SLC35F3: variants seen among roughly 807,000 people sequenced by gnomAD.
The protein encoded by SLC35F3 is solute carrier family 35 member F3.
SLC35F3 carries 25 observed loss-of-function variants against 49.9 expected under a neutral mutation model. The ratio of observed to expected loss-of-function variants is 0.50; its 90% CI spans 0.37 to 0.70. The LOEUF (loss-of-function observed/expected upper bound fraction) is 0.70, where lower values mean the gene tolerates loss of function less well. SLC35F3 is among the 30% of genes least tolerant of loss of function. SLC35F3 has a pLI of 0.00. For synonymous variants in SLC35F3, 275 were observed against 265.4 expected (o/e 1.04, Z -0.35); for missense variants, 525 against 639.8 (o/e 0.82, Z 1.94).
chr1:234,288,669 T>C (rs1377420995), intron 3 of SLC35F3, among the ~76,000 whole-genome samples: 1 of 152,244 alleles, frequency 6.6e-6, no homozygotes. Context: ...TATCATCTCA[T>C]TTTCCTGCTA....
chr1:234,136,321 T>C (rs1474811693), intron 2 of SLC35F3, among the ~76,000 whole-genome samples: 1 of 151,918 alleles, frequency 6.6e-6, no homozygotes, highest in East Asian at 1.9e-4. Flanking sequence ...TCTTTCTTTT[T>C]CCTTCCTTCC....
intron 2 of SLC35F3, among the ~76,000 whole-genome samples, chr1:233,908,702 T>G (rs1185120664): frequency 6.7e-6 from 1 of 149,946 alleles, no homozygotes; most frequent in African/African-American, 2.5e-5. Flanking sequence ...GCCTGGCTAA[T>G]TTTTTGTATT....
At chr1:234,016,161 G>A (rs1221346931) in intron 2 of SLC35F3, among the ~76,000 whole-genome samples, 1 of 152,174 alleles carries the variant, frequency 6.6e-6, no homozygotes, top group African/African-American at 2.4e-5. Flanking sequence ...TGTTGGTGAG[G>A]ATGTAGAGAA....
Position 234,114,363 on chromosome 1 carries a change from G to C in SLC35F3, c.284-117054G>C, listed in dbSNP as rs139999313. ...TATTGCTGTTTTTAAAAGATTGCTT[G>C]TTTGGTCCTTCAAATGTGAGTAAAG... is the stretch of plus-strand genomic sequence containing the variant. On this transcript the variant is annotated intron_variant, in intron 2 of 7. Transcript: ENST00000366618. Among the ~76,000 whole-genome samples the C allele has an allele frequency of 3.4e-3, 517 of 152,296 alleles. 3 individuals carry two copies. Among genetic ancestry groups the C allele is most frequent in the African/African-American group, 0.012 (497 of 41,560 alleles).
chr1:234,018,896 C>G (rs748816259), intron 2 of SLC35F3, among the ~76,000 whole-genome samples: 1 of 152,158 alleles, frequency 6.6e-6, no homozygotes. Flanking sequence ...GTTGGGTGTG[C>G]GCACTGAGTA....
intron 2 of SLC35F3, among the ~76,000 whole-genome samples, chr1:234,208,392 A>G (rs573470150): frequency 1.3e-5 from 2 of 152,326 alleles, no homozygotes; most frequent in East Asian, 1.9e-4. Flanking sequence ...TGTACAACCC[A>G]GGCTGGAATT....
intron 2 of SLC35F3, among the ~76,000 whole-genome samples, chr1:234,091,275 G>T (rs1380202645): frequency 6.6e-6 from 1 of 152,146 alleles, no homozygotes; most frequent in Non-Finnish European, 1.5e-5. Flanking sequence ...CTACCTTGAG[G>T]CTTTTGTTCT....
chr1:234,259,224 A>G (rs779333745), intron 3 of SLC35F3, among the ~76,000 whole-genome samples: 3 of 152,196 alleles, frequency 2.0e-5, no homozygotes, highest in Admixed American at 6.5e-5. Context: ...ATTGTGTTAA[A>G]TCTTCACTTT....
At chr1:234,034,547 T>C (rs984254644) in intron 2 of SLC35F3, among the ~76,000 whole-genome samples, 1 of 152,148 alleles carries the variant, frequency 6.6e-6, no homozygotes, top group Non-Finnish European at 1.5e-5. Flanking sequence ...TGAGACAGAG[T>C]CAATGCTGTG....
intron 3 of SLC35F3, among the ~76,000 whole-genome samples, chr1:234,239,882 T>C (rs889124990): frequency 2.0e-5 from 3 of 152,206 alleles, no homozygotes; most frequent in Non-Finnish European, 2.9e-5. Flanking sequence ...TTGAAAAAAA[T>C]GGAGACTTTA....
At chr1:233,965,908 A>G (rs1368012118) in intron 2 of SLC35F3, among the ~76,000 whole-genome samples, 4 of 152,256 alleles carry the variant, frequency 2.6e-5, no homozygotes, top group Non-Finnish European at 5.9e-5. Context: ...CCTGGGATTG[A>G]TAAAAGCAGT....
At chr1:234,303,378 A>G (rs1327008251) in intron 3 of SLC35F3, among the ~76,000 whole-genome samples, 1 of 152,128 alleles carries the variant, frequency 6.6e-6, no homozygotes, top group African/African-American at 2.4e-5. Context: ...CTCCTCCAGG[A>G]GCCTTCTGCG....
chr1:234,045,630 G>A (rs558013291), intron 2 of SLC35F3, among the ~76,000 whole-genome samples: 3 of 152,000 alleles, frequency 2.0e-5, no homozygotes, highest in African/African-American at 7.2e-5. Context: ...ACAAAGAAGA[G>A]TACACAATAA....
intron 2 of SLC35F3, among the ~76,000 whole-genome samples, chr1:234,205,190 GT>G (rs1666951689): frequency 6.6e-6 from 1 of 152,208 alleles, no homozygotes; most frequent in African/African-American, 2.4e-5. Context: ...CATTCAGTGA[GT>G]TCCCAGGACA....
intron 2 of SLC35F3, among the ~76,000 whole-genome samples, chr1:234,035,064 G>A (rs1664121113): frequency 6.6e-6 from 1 of 152,094 alleles, no homozygotes; most frequent in African/African-American, 2.4e-5. Context: ...ATGCGCAGCT[G>A]TCATCCTGGC....
At chr1:234,061,460 G>A (rs960781714) in intron 2 of SLC35F3, among the ~76,000 whole-genome samples, 2 of 151,590 alleles carry the variant, frequency 1.3e-5, no homozygotes, top group South Asian at 4.2e-4. Flanking sequence ...TCTACTTGAC[G>A]TTTGTTGAGT....
intron 2 of SLC35F3, among the ~76,000 whole-genome samples, chr1:234,045,678 C>A (rs1664277754): frequency 6.7e-6 from 1 of 150,248 alleles, no homozygotes; most frequent in African/African-American, 2.4e-5. Context: ...CTAGCTTAAT[C>A]AAAACCTATT....
chr1:234,278,361 G>A (rs1015466230), intron 3 of SLC35F3, among the ~76,000 whole-genome samples: 4 of 152,004 alleles, frequency 2.6e-5, no homozygotes, highest in East Asian at 1.9e-4. Flanking sequence ...GCAATGGCAC[G>A]GGCCTGTAGT....
At chr1:234,259,483 C>T (rs191304662) in intron 3 of SLC35F3, among the ~76,000 whole-genome samples, 52 of 152,198 alleles carry the variant, frequency 3.4e-4, no homozygotes, top group African/African-American at 1.2e-3. Flanking sequence ...CCTCCAGTTC[C>T]TCTGGGGCAG....
Sources: allele counts gnomAD v4.1 joint callset (sites outside exome capture counted in the v4.1 genomes callset), GRCh38; gene constraint gnomAD v4.1.1; transcripts MANE v1.5; gene names NCBI Gene and HGNC (gene_info 2026-07-23, HGNC 2026-07-21).